Variants in PDE4A observed in about 807,000 individuals in gnomAD.
PDE4A encodes the protein phosphodiesterase 4A.
In PDE4A, 21 loss-of-function variants were observed where a neutral mutation model predicts 73.9. The observed-to-expected ratio is 0.28, with a 90% CI of 0.20 to 0.41. The LOEUF is 0.41. Ranked by LOEUF, PDE4A falls within the 10% of genes least tolerant of loss-of-function variation. The pLI is 1.00. For missense variants in PDE4A, 958 were observed against 1,211.4 expected, an observed-to-expected ratio of 0.79 and a Z score of 3.10; for synonymous variants, 463 against 505.4, an observed-to-expected ratio of 0.92 and a Z score of 1.13.
chr19:10,464,110 GT>G, intron 14 of PDE4A, 135 bp downstream of exon 14: 1 of 1,222,226 alleles, frequency 8.2e-7, no homozygotes, highest in Non-Finnish European at 1.2e-6. Context: ...GTTTTGTTTT[GT>G]TTTTGAGACG....
At chr19:10,466,659 A>G (rs1452609733) in intron 14 of PDE4A, 2 of 181,248 alleles carry the variant, frequency 1.1e-5, no homozygotes, top group Non-Finnish European at 2.1e-5. Context: ...ACAACCAGCT[A>G]ATTTTTGTAT....
chr19:10,466,280 A>C (rs2043368334), intron 14 of PDE4A, among the ~76,000 whole-genome samples: 1 of 149,478 alleles, frequency 6.7e-6, no homozygotes, highest in Non-Finnish European at 1.5e-5. Flanking sequence ...CCCCGTCTCT[A>C]CTAAAAATAG....
rs1048302362 is a variant in PDE4A at position 10,432,388 on chromosome 19, C to T, written c.320+11304C>T. 5 of 1,350,732 alleles carry T rather than the reference C, an allele frequency of 3.7e-6. No individual in the cohort carries two copies. In the South Asian group the frequency reaches 5.8e-5, roughly 16 times the overall value. The allele number at this position is 1,350,732 out of a possible 1,614,324, so 83.7% of individuals were successfully genotyped here. Reference sequence around the variant, plus strand: ...CTGGCCAGCAGCGCGCGCCACACCGCCCTGCCGCCGTCCCCATGCGCGCCC... The same window carrying T: ...CTGGCCAGCAGCGCGCGCCACACCGTCCTGCCGCCGTCCCCATGCGCGCCC... On this transcript the variant is annotated intron_variant, in intron 1 of 14. Transcript: ENST00000380702.
At chr19:10,417,643 A>T, upstream of PDE4A, 1 of 1,582,468 alleles carries the variant, frequency 6.3e-7, no homozygotes. Flanking sequence ...CCCCTATTCC[A>T]CTTTGTCCCT....
intron 1 of PDE4A, among the ~76,000 whole-genome samples, chr19:10,436,664 C>T (rs1441476402): frequency 6.6e-6 from 1 of 152,212 alleles, no homozygotes; most frequent in East Asian, 1.9e-4. Context: ...ACACAGCAAG[C>T]ATTCAATAAA....
chr19:10,420,822 C>A lies in PDE4A; in HGVS notation c.58C>A (p.Arg20=), dbSNP rs371454337. 6.3e-7 allele frequency: 1 copy of A among 1,587,654 alleles called. No homozygotes were observed. The highest frequency in any genetic ancestry group is 8.5e-7 in the Non-Finnish European group (1 of 1,175,060). Reference sequence around the variant, plus strand: ...CCTGTCTCTGTCACTGCCCGGGCCCCGGGAGGGCCAGGCCACCCTGAAGCC... The same window carrying A: ...CCTGTCTCTGTCACTGCCCGGGCCCAGGGAGGGCCAGGCCACCCTGAAGCC... ...RSLSLSLPGP[R]EGQATLKPPP... Residue 20 remains arginine (R), a synonymous_variant, in exon 1 of 15, where the codon CGG becomes AGG. Transcript: ENST00000380702. The surrounding 1 kb of genome is among the most constrained non-coding windows in gnomAD (Gnocchi z 6.0).
At chr19:10,463,024 T>C (rs1048612157) in intron 13 of PDE4A, among the ~76,000 whole-genome samples, 8 of 152,066 alleles carry the variant, frequency 5.3e-5, no homozygotes, top group African/African-American at 1.9e-4. Context: ...CAAGATCCTC[T>C]TTTCCTTTCC....
At chr19:10,454,155 G>T (rs572545960) in intron 6 of PDE4A, among the ~76,000 whole-genome samples, 1 of 152,252 alleles carries the variant, frequency 6.6e-6, no homozygotes, top group South Asian at 2.1e-4. Flanking sequence ...CCACCCTTCT[G>T]GGGTTGGGGG....
chr19:10,448,712 C>A, intron 2 of PDE4A: 1 of 550,552 alleles, frequency 1.8e-6, no homozygotes, highest in Non-Finnish European at 2.3e-6. Flanking sequence ...CCCGGACCTA[C>A]CTGAGCCACA....
At chr19:10,451,075 AG>A in intron 6 of PDE4A, 134 bp downstream of exon 6, 1 of 870,116 alleles carries the variant, frequency 1.1e-6, no homozygotes, top group Admixed American at 2.1e-5. Context: ...CTGTGGGCGG[AG>A]ATAGCTACTG....
chr19:10,446,311 C>G lies in PDE4A; in HGVS notation c.414C>G (p.Ala138=), dbSNP rs201748470. The change falls in exon 2 of 15, where the codon GCC becomes GCG. Residue 138 remains alanine (A), a synonymous_variant. Transcript: ENST00000380702. ...GACTCGTGCTGCACGCCGGGGCGGC[C>G]ACCAGCCAGCGCCGGGAGTCCTTCC... ...SPGLVLHAGA[A]TSQRRESFLY... The G allele has an allele frequency of 1.2e-6, 2 of 1,613,120 alleles. No individual in the cohort carries two copies. Among genetic ancestry groups the G allele is most frequent in the South Asian group, 2.2e-5 (2 of 90,978 alleles).
chr19:10,448,694 C>G, intron 2 of PDE4A: 1 of 353,044 alleles, frequency 2.8e-6, no homozygotes, highest in Non-Finnish European at 4.0e-6. Flanking sequence ...TCCACTTTGT[C>G]TCTTCTCCCC....
Position 10,469,373 on chromosome 19 carries a change from A to G in PDE4A, c.*1752A>G, listed in dbSNP as rs201761663. On this transcript the variant is annotated 3_prime_UTR_variant, in exon 15 of 15. Transcript: ENST00000380702. ...TACCATAGTCCTGGGAAAAGGGTGGACTCACCGCTGTTGTTTTATGGGAAG... is the reference window on the plus strand; with the variant it reads ...TACCATAGTCCTGGGAAAAGGGTGGGCTCACCGCTGTTGTTTTATGGGAAG... 1 of 151,974 alleles carries G rather than the reference A, an allele frequency of 6.6e-6. No homozygotes were observed. The highest frequency in any genetic ancestry group is 2.4e-5 in the African/African-American group (1 of 41,300). The allele number at this position is 151,974 out of a possible 1,614,324, so 9.4% of individuals were successfully genotyped here.
At chr19:10,464,284 G>A (rs2043327134) in intron 14 of PDE4A, 5 of 424,114 alleles carry the variant, frequency 1.2e-5, no homozygotes, top group South Asian at 9.1e-5. Flanking sequence ...TTTTAGTAGA[G>A]ATGGGGTTTC....
At chr19:10,429,773 T>C (rs1568366040) in intron 1 of PDE4A, among the ~76,000 whole-genome samples, 1 of 152,086 alleles carries the variant, frequency 6.6e-6, no homozygotes, top group Non-Finnish European at 1.5e-5. Flanking sequence ...TGGAGAGGAA[T>C]CTAGTTGTGT....
chr19:10,434,987 C>T (rs1378601030), intron 1 of PDE4A, among the ~76,000 whole-genome samples: 3 of 150,652 alleles, frequency 2.0e-5, no homozygotes, highest in African/African-American at 7.4e-5. Context: ...GCTTCCCAGG[C>T]TCAAGCGATG....
intron 13 of PDE4A, among the ~76,000 whole-genome samples, chr19:10,462,367 G>T (rs956880744): frequency 3.9e-5 from 6 of 152,032 alleles, no homozygotes; most frequent in Non-Finnish European, 8.8e-5. Flanking sequence ...TGTCAGGCTG[G>T]TCTCGAACTC....
chr19:10,421,723 A>G (rs2042653876), intron 1 of PDE4A, among the ~76,000 whole-genome samples: 1 of 152,062 alleles, frequency 6.6e-6, no homozygotes, highest in Admixed American at 6.5e-5. Flanking sequence ...CAGAGGCAGG[A>G]AACAGTGGAG....
upstream of PDE4A, chr19:10,419,717 T>C: frequency 1.3e-5 from 2 of 152,482 alleles, no homozygotes. Flanking sequence ...CCTCCGACAC[T>C]ACAGTCAGAC....
Sources: allele counts gnomAD v4.1 joint callset (sites outside exome capture counted in the v4.1 genomes callset), GRCh38; gene constraint gnomAD v4.1.1; non-coding constraint Gnocchi (gnomAD v3.1); transcripts MANE v1.5; gene names NCBI Gene and HGNC (gene_info 2026-07-23, HGNC 2026-07-21).